Variants in SEL1L2 observed in about 807,000 individuals in gnomAD.
The protein encoded by SEL1L2 is SEL1L2 adaptor subunit of SYVN1 ubiquitin ligase.
A neutral mutation model predicts 98.8 loss-of-function variants in SEL1L2; 89 were observed. The observed-to-expected ratio is 0.90, with a 90% CI of 0.76 to 1.07. The LOEUF is 1.07. SEL1L2 is among the 50% of genes least tolerant of loss of function. SEL1L2 has a pLI of 0.00. For synonymous variants in SEL1L2, 262 were observed against 278.5 expected, an observed-to-expected ratio of 0.94 and a Z score of 0.59; for missense variants, 788 against 812.0, an observed-to-expected ratio of 0.97 and a Z score of 0.36.
chr20:13,862,668 A>C (rs2078645284), intron 17 of SEL1L2, among the ~76,000 whole-genome samples: 1 of 151,404 alleles, frequency 6.6e-6, no homozygotes, highest in Non-Finnish European at 1.5e-5. Flanking sequence ...AACACTATAA[A>C]ATTTTTATTA....
intron 11 of SEL1L2, among the ~76,000 whole-genome samples, 191 bp downstream of exon 11, chr20:13,877,329 T>C (rs1368832912): frequency 6.6e-6 from 1 of 152,040 alleles, no homozygotes; most frequent in Non-Finnish European, 1.5e-5. Flanking sequence ...AGATTTTTAA[T>C]TTTTAAATTT....
rs917962655 is a variant in SEL1L2 at position 13,987,647 on chromosome 20, C to T, written c.58+2830G>A. 6.6e-5 allele frequency among the ~76,000 whole-genome samples: 10 copies of T among 152,066 alleles called. No individual in the cohort carries two copies. The East Asian group carries it at 1.2e-3, about 18-fold the overall frequency. ...ACAGGTGTGAGCCACTGCGCCCGGC[C>T]GATAATTTCCTGTTTTTTGATTATA... is the stretch of plus-strand genomic sequence containing the variant. On this transcript the variant is annotated intron_variant, in intron 1 of 19. Coordinates refer to ENST00000284951, the MANE Select transcript of SEL1L2 (RefSeq NM_025229.2).
chr20:13,893,143 T>TC (rs977216088), intron 5 of SEL1L2, among the ~76,000 whole-genome samples: 11 of 152,136 alleles, frequency 7.2e-5, no homozygotes, highest in Non-Finnish European at 1.5e-4. Flanking sequence ...AAGACTCTGT[T>TC]CCCCACTCCC....
At chr20:13,917,703 A>C (rs990021721) in intron 4 of SEL1L2, among the ~76,000 whole-genome samples, 1 of 148,274 alleles carries the variant, frequency 6.7e-6, no homozygotes, top group African/African-American at 2.5e-5. Context: ...CTTTCCTCTG[A>C]CTGGTGTGCC....
intron 2 of SEL1L2, among the ~76,000 whole-genome samples, chr20:13,937,214 C>T (rs1356264160): frequency 6.6e-6 from 1 of 152,232 alleles, no homozygotes; most frequent in African/African-American, 2.4e-5. Context: ...GGCCCTCCCT[C>T]TGAACTTGTA....
chr20:13,872,594 G>A (rs1231992079), intron 12 of SEL1L2, among the ~76,000 whole-genome samples: 5 of 152,078 alleles, frequency 3.3e-5, no homozygotes, highest in South Asian at 4.2e-4. Context: ...ATGTGAGAAC[G>A]GACTAATACA....
At chr20:13,900,729 C>A (rs1026293361) in intron 5 of SEL1L2, among the ~76,000 whole-genome samples, 2 of 152,160 alleles carry the variant, frequency 1.3e-5, no homozygotes, top group Non-Finnish European at 2.9e-5. Flanking sequence ...GGTTTTCACG[C>A]CTGTTTGTAG....
In SEL1L2 at chr20:13,919,125, T is replaced by C. The variant is rs191501353; in HGVS notation, c.284-2A>G. 6.3e-5 allele frequency: 97 copies of C among 1,545,832 alleles called. No homozygotes were observed. Among genetic ancestry groups the C allele is most frequent in the Admixed American group, 1.5e-4 (9 of 58,268 alleles). Reference sequence around the variant, plus strand: ...AATTTTTCTCTGCTTGCTTTTGTACTATACATGAACAAACAAAAAATAAAA... The same window carrying C: ...AATTTTTCTCTGCTTGCTTTTGTACCATACATGAACAAACAAAAAATAAAA... On this transcript the variant is annotated splice_acceptor_variant, in intron 3 of 19. Coordinates refer to ENST00000284951, the MANE Select transcript of SEL1L2 (RefSeq NM_025229.2). LOFTEE classifies it high-confidence loss of function.
chr20:13,907,316 G>A (rs1195905189), intron 5 of SEL1L2, among the ~76,000 whole-genome samples: 2 of 152,274 alleles, frequency 1.3e-5, no homozygotes, highest in East Asian at 3.9e-4. Flanking sequence ...TGTGATCCCA[G>A]TGCTTTGGAA....
At chr20:13,894,295 C>G (rs2047331172) in intron 5 of SEL1L2, among the ~76,000 whole-genome samples, 1 of 152,216 alleles carries the variant, frequency 6.6e-6, no homozygotes, top group Non-Finnish European at 1.5e-5. Context: ...TGCAGTGGCT[C>G]ATGCCTGTAA....
intron 1 of SEL1L2, 64 bp downstream of exon 1, chr20:13,990,413 C>A: frequency 8.7e-7 from 1 of 1,154,874 alleles, no homozygotes; most frequent in Non-Finnish European, 1.3e-6. Flanking sequence ...GGCTTCTGCC[C>A]TTGGCGCTGT....
chr20:13,966,099 A>C (rs559988668), intron 1 of SEL1L2, among the ~76,000 whole-genome samples: 18 of 152,326 alleles, frequency 1.2e-4, no homozygotes, highest in South Asian at 6.2e-4. Flanking sequence ...GTGCCGATAG[A>C]CTTGCTCAAC....
intron 1 of SEL1L2, among the ~76,000 whole-genome samples, chr20:13,988,444 C>G (rs1277308921): frequency 6.6e-6 from 1 of 152,212 alleles, no homozygotes; most frequent in African/African-American, 2.4e-5. Context: ...GCACCTCCCA[C>G]ACTGAGTTTT....
intron 9 of SEL1L2, among the ~76,000 whole-genome samples, chr20:13,885,788 C>T (rs1016190380): frequency 1.3e-5 from 2 of 152,200 alleles, no homozygotes; most frequent in African/African-American, 4.8e-5. Context: ...GTAATCCCAG[C>T]ACTTTGGGAG....
At chr20:13,869,004 T>G (rs936693917) in intron 14 of SEL1L2, among the ~76,000 whole-genome samples, 10 of 152,198 alleles carry the variant, frequency 6.6e-5, no homozygotes, top group Non-Finnish European at 1.3e-4. Flanking sequence ...ATCTTTTTTT[T>G]TTTTTGTTCC....
chr20:13,907,291 T>C (rs2047975430), intron 5 of SEL1L2, among the ~76,000 whole-genome samples: 1 of 151,910 alleles, frequency 6.6e-6, no homozygotes, highest in Non-Finnish European at 1.5e-5. Context: ...TGAAAGAAAA[T>C]AGGTGGCTCA....
At position 13,859,257 on chromosome 20, in the gene SEL1L2, A is replaced by G. The variant is rs1366806859; in HGVS notation, c.1818+5T>C. 1 of 1,613,430 alleles carries G rather than the reference A, an allele frequency of 6.2e-7. No individual in the cohort carries two copies. The highest frequency in any genetic ancestry group is 2.2e-5 in the East Asian group (1 of 44,858). ...CTAGGTTTGAATTATTACCAGCAAA[A>G]TTACCTTTGTGATGCCTAAGCCGTG... On this transcript the variant is annotated splice_donor_5th_base_variant and intron_variant, in intron 18 of 19. Transcript: ENST00000284951.
At chr20:13,959,097 C>A (rs560470998) in intron 1 of SEL1L2, among the ~76,000 whole-genome samples, 2 of 152,114 alleles carry the variant, frequency 1.3e-5, no homozygotes, top group Non-Finnish European at 1.5e-5. Flanking sequence ...TATGGTTGTT[C>A]GGCATTTGAA....
At chr20:13,888,029 C>T (rs756260444) in intron 6 of SEL1L2, 28 bp from the exon 7 acceptor site, 15 of 1,591,602 alleles carry the variant, frequency 9.4e-6, no homozygotes, top group Admixed American at 1.7e-5. Context: ...AAACAAAAAA[C>T]CCCCCAAACC....
Sources: gnomAD v4.1 joint callset for allele counts (sites outside exome capture counted in the v4.1 genomes callset) on GRCh38, gnomAD v4.1.1 for gene constraint, MANE v1.5 for transcripts, NCBI Gene and HGNC (gene_info 2026-07-23, HGNC 2026-07-21) for gene names.